Variants in STK33 observed in about 807,000 individuals in gnomAD.
STK33 encodes the protein serine/threonine kinase 33.
A neutral mutation model predicts 58.0 loss-of-function variants in STK33; 52 were observed. The observed-to-expected ratio is 0.90, with a 90% CI of 0.72 to 1.13. The LOEUF (loss-of-function observed/expected upper bound fraction) is 1.13. Ranked by LOEUF, STK33 falls within the 50% of genes most tolerant of loss-of-function variation. The pLI, the probability that STK33 is intolerant of heterozygous loss-of-function variation, is 0.00. For missense variants in STK33, 630 were observed against 604.2 expected (o/e 1.04, Z -0.45); for synonymous variants, 215 against 200.1 (o/e 1.07, Z -0.63).
At chr11:8,522,941 G>A (rs1209220007) in intron 1 of STK33, among the ~76,000 whole-genome samples, 4 of 152,274 alleles carry the variant, frequency 2.6e-5, no homozygotes, top group East Asian at 1.9e-4. Flanking sequence ...GCAGGCGCGC[G>A]CCACCACGCC....
At chr11:8,520,712 A>C (rs981692366) in intron 1 of STK33, among the ~76,000 whole-genome samples, 3 of 152,048 alleles carry the variant, frequency 2.0e-5, no homozygotes, top group Admixed American at 6.6e-5. Context: ...AGACAAACAG[A>C]CAGCCAAATC....
chr11:8,335,601 C>G, the STK33 span, among the ~76,000 whole-genome samples: 1 of 152,208 alleles, frequency 6.6e-6, no homozygotes, highest in Admixed American at 6.5e-5. Context: ...CTTTCATGCT[C>G]TGAGACTGCG....
intron 15 of STK33, among the ~76,000 whole-genome samples, chr11:8,397,909 G>GA (rs1849652580): frequency 6.6e-6 from 1 of 152,090 alleles, no homozygotes; most frequent in Admixed American, 6.5e-5. Context: ...GAAGTTTAGA[G>GA]AAAAAAGAAT....
chr11:8,429,093 A>G (rs534567774), intron 14 of STK33, among the ~76,000 whole-genome samples: 1 of 152,214 alleles, frequency 6.6e-6, no homozygotes, highest in East Asian at 1.9e-4. Context: ...ACACAAATTC[A>G]AAGAGAAGAA....
intron 15 of STK33, among the ~76,000 whole-genome samples, chr11:8,407,435 G>C (rs1042921964): frequency 1.3e-5 from 2 of 152,100 alleles, no homozygotes; most frequent in Admixed American, 6.5e-5. Context: ...CAAAGATTTA[G>C]AAGAATTAGA....
chr11:8,443,584 T>C (rs1945031640), intron 11 of STK33, among the ~76,000 whole-genome samples: 1 of 140,628 alleles, frequency 7.1e-6, no homozygotes, highest in South Asian at 2.6e-4. Flanking sequence ...TAATCACAAT[T>C]AGAACACCGT....
intron 1 of STK33, among the ~76,000 whole-genome samples, chr11:8,529,006 T>G (rs932260818): frequency 6.6e-6 from 1 of 152,182 alleles, no homozygotes. Flanking sequence ...CATTATCCAT[T>G]TTTCAGATGA....
chr11:8,522,025 G>T (rs1449318489), intron 1 of STK33, among the ~76,000 whole-genome samples: 1 of 152,204 alleles, frequency 6.6e-6, no homozygotes, highest in African/African-American at 2.4e-5. Context: ...TACACTGTTG[G>T]TGGGACTGCA....
At position 8,547,651 on chromosome 11, in the gene STK33, A is replaced by G. The variant is rs1048640026; in HGVS notation, c.-466+46432T>C. The stretch of plus-strand genomic sequence containing the variant: ...TTCCTTGTGGATGGAGAGTTTGTAA[A>G]TATTTTCTTCCATTCTGTAGGTTGT... On this transcript the variant is annotated intron_variant, in intron 1 of 15. Transcript: ENST00000687296. 7.9e-5 allele frequency among the ~76,000 whole-genome samples: 12 copies of G among 152,244 alleles called. No homozygotes were observed. In the South Asian group the frequency reaches 1.7e-3, roughly 21 times the overall value.
chr11:8,353,472 C>T, the STK33 span, among the ~76,000 whole-genome samples: 1 of 152,244 alleles, frequency 6.6e-6, no homozygotes, highest in Non-Finnish European at 1.5e-5. Context: ...ATCCACACAG[C>T]TCCGTTTCTA....
chr11:8,443,998 C>T (rs369209872), intron 11 of STK33, among the ~76,000 whole-genome samples: 8 of 152,034 alleles, frequency 5.3e-5, no homozygotes, highest in African/African-American at 1.2e-4. Context: ...CAGAGGGAGG[C>T]CCTGTTCCAA....
At chr11:8,564,830 G>A (rs1051892694) in intron 1 of STK33, among the ~76,000 whole-genome samples, 8 of 152,128 alleles carry the variant, frequency 5.3e-5, no homozygotes, top group African/African-American at 1.7e-4. Context: ...TTCAACAACC[G>A]GTGCCTTTAG....
intron 14 of STK33, among the ~76,000 whole-genome samples, chr11:8,421,504 C>T (rs1330421264): frequency 6.6e-6 from 1 of 152,124 alleles, no homozygotes; most frequent in East Asian, 1.9e-4. Flanking sequence ...AATCATACTG[C>T]CCTAATTAAC....
intron 1 of STK33, among the ~76,000 whole-genome samples, chr11:8,509,337 G>T (rs866989705): frequency 1.3e-5 from 2 of 152,122 alleles, no homozygotes; most frequent in South Asian, 2.1e-4. Flanking sequence ...TGTAGAAATG[G>T]TTCTTTTCAA....
chr11:8,352,773 G>A, the STK33 span, among the ~76,000 whole-genome samples: 6 of 152,170 alleles, frequency 3.9e-5, no homozygotes, highest in Non-Finnish European at 5.9e-5. Flanking sequence ...TCATCAAGGC[G>A]TAATGAGTTT....
intron 8 of STK33, among the ~76,000 whole-genome samples, chr11:8,459,556 A>G (rs1405920909): frequency 1.3e-5 from 2 of 152,176 alleles, no homozygotes; most frequent in African/African-American, 4.8e-5. Context: ...TTAGACATTA[A>G]ACATCAGCCA....
At chr11:8,526,475 G>A (rs1179183102) in intron 1 of STK33, among the ~76,000 whole-genome samples, 5 of 151,708 alleles carry the variant, frequency 3.3e-5, no homozygotes, top group African/African-American at 9.7e-5. Context: ...TTAAATATAC[G>A]CATATCTTAT....
the STK33 span, among the ~76,000 whole-genome samples, chr11:8,378,151 A>G: frequency 6.6e-6 from 1 of 152,236 alleles, no homozygotes; most frequent in East Asian, 1.9e-4. Flanking sequence ...ACTTACAATC[A>G]TGATGGAAGG....
At chr11:8,462,824 C>T (rs1244991915) in intron 7 of STK33, among the ~76,000 whole-genome samples, 1 of 152,086 alleles carries the variant, frequency 6.6e-6, no homozygotes, top group Non-Finnish European at 1.5e-5. Flanking sequence ...TCACCATCAC[C>T]GCCCTGCCAA....
Sources: allele counts gnomAD v4.1 joint callset (sites outside exome capture counted in the v4.1 genomes callset), GRCh38; gene constraint gnomAD v4.1.1; transcripts MANE v1.5; gene names NCBI Gene and HGNC (gene_info 2026-07-23, HGNC 2026-07-21).